SRRM4: variants seen among roughly 807,000 people sequenced by gnomAD.
SRRM4 encodes the protein serine/arginine repetitive matrix 4, also known as serine/arginine repetitive matrix protein 4.
SRRM4 carries 33 observed loss-of-function variants against 68.9 expected under a neutral mutation model. The observed-to-expected ratio is 0.48, with a 90% CI of 0.36 to 0.64. SRRM4 has a LOEUF of 0.64. Among genes scored for constraint, SRRM4 ranks in the 30% least tolerant of loss-of-function variants. The probability of loss-of-function intolerance (pLI) is 0.00; values close to 1 mark genes in which losing one functional copy is unlikely to be tolerated. For missense variants in SRRM4, 817 were observed against 827.1 expected (o/e 0.99, Z 0.15); for synonymous variants, 318 against 318.8 (o/e 1.00, Z 0.03).
At chr12:119,045,639 A>G (rs1411824024) in intron 1 of SRRM4, among the ~76,000 whole-genome samples, 2 of 152,068 alleles carry the variant, frequency 1.3e-5, no homozygotes, top group East Asian at 3.9e-4. Flanking sequence ...TGTAATTTTC[A>G]TCAGCACCGT....
intron 4 of SRRM4, among the ~76,000 whole-genome samples, chr12:119,119,769 G>A (rs942935566): frequency 9.2e-5 from 14 of 152,042 alleles, no homozygotes; most frequent in African/African-American, 3.4e-4. Context: ...GGATGAGGAG[G>A]AGGAGGAATG....
intron 1 of SRRM4, among the ~76,000 whole-genome samples, chr12:118,993,014 GAT>G (rs1953326481): frequency 6.6e-6 from 1 of 152,136 alleles, no homozygotes; most frequent in South Asian, 2.1e-4. Context: ...ATGAAATAAT[GAT>G]ATATCATTAC....
At chr12:118,984,739 G>A (rs1425330219) in intron 1 of SRRM4, among the ~76,000 whole-genome samples, 2 of 152,134 alleles carry the variant, frequency 1.3e-5, no homozygotes, top group South Asian at 4.1e-4. Context: ...CATACTTGAT[G>A]AGGCAATAGC....
At chr12:119,003,990 T>C (rs1164366686) in intron 1 of SRRM4, among the ~76,000 whole-genome samples, 1 of 152,094 alleles carries the variant, frequency 6.6e-6, no homozygotes, top group Non-Finnish European at 1.5e-5. Flanking sequence ...AATTGTTAAT[T>C]GATCAGTTAT....
chr12:119,063,425 T>G (rs1192229139), intron 1 of SRRM4, among the ~76,000 whole-genome samples: 5 of 152,088 alleles, frequency 3.3e-5, no homozygotes, highest in Non-Finnish European at 7.4e-5. Flanking sequence ...TGTTTTCCTC[T>G]CTCAAGAGCC....
intron 1 of SRRM4, among the ~76,000 whole-genome samples, chr12:119,059,948 G>C (rs1953800457): frequency 6.6e-6 from 1 of 152,148 alleles, no homozygotes; most frequent in South Asian, 2.1e-4. Context: ...GTGTTGACTG[G>C]TTCATCAGCC....
At chr12:119,044,891 T>C (rs943141704) in intron 1 of SRRM4, among the ~76,000 whole-genome samples, 1 of 152,190 alleles carries the variant, frequency 6.6e-6, no homozygotes, top group Admixed American at 6.5e-5. Context: ...GTGAACTCTA[T>C]GCATCAGAAT....
intron 2 of SRRM4, among the ~76,000 whole-genome samples, chr12:119,103,920 T>C (rs772222224): frequency 2.1e-4 from 32 of 152,148 alleles, no homozygotes; most frequent in Non-Finnish European, 4.0e-4. Context: ...GAAGAATTGC[T>C]TGTACCCAGG....
At chr12:119,012,387 C>T (rs1594026236) in intron 1 of SRRM4, among the ~76,000 whole-genome samples, 1 of 152,194 alleles carries the variant, frequency 6.6e-6, no homozygotes, top group Non-Finnish European at 1.5e-5. Context: ...AGAGGATATC[C>T]CCTGACTTAG....
chr12:119,026,215 T>C (rs1210612262), intron 1 of SRRM4, among the ~76,000 whole-genome samples: 1 of 151,792 alleles, frequency 6.6e-6, no homozygotes, highest in Non-Finnish European at 1.5e-5. Context: ...AGGAGATAAG[T>C]AGGAAGGGTT....
intron 1 of SRRM4, among the ~76,000 whole-genome samples, chr12:118,999,693 A>G (rs942606353): frequency 7.2e-5 from 11 of 152,138 alleles, no homozygotes; most frequent in African/African-American, 2.4e-4. Context: ...AAGACAGGGA[A>G]TATTCTTATA....
chr12:119,118,871 T>C (rs1373253384), intron 4 of SRRM4, among the ~76,000 whole-genome samples: 2 of 151,852 alleles, frequency 1.3e-5, no homozygotes, highest in Non-Finnish European at 2.9e-5. Context: ...CTTTACAGAG[T>C]AGGGGGTTCA....
intron 1 of SRRM4, among the ~76,000 whole-genome samples, chr12:119,065,249 G>C (rs1338388644): frequency 6.6e-6 from 1 of 152,092 alleles, no homozygotes; most frequent in African/African-American, 2.4e-5. Flanking sequence ...TTCTCACATT[G>C]GTTGGGAACA....
intron 1 of SRRM4, among the ~76,000 whole-genome samples, chr12:119,079,147 T>C (rs1254631538): frequency 6.6e-6 from 1 of 152,098 alleles, no homozygotes; most frequent in Non-Finnish European, 1.5e-5. Flanking sequence ...GGGAACTTCA[T>C]ATGTGAAGAC....
rs1401477329 is a variant in SRRM4 at position 119,162,766 on chromosome 12, G to A, written c.*5968G>A. On this transcript the variant is annotated 3_prime_UTR_variant, in exon 13 of 13. Coordinates refer to ENST00000267260, the MANE Select transcript of SRRM4 (RefSeq NM_194286.4). ...ACCCCAAGGCCATTTCTCTGCATTGGAGGCTGCGAATCTCCTCTGGAAAAT... is the reference window on the plus strand; with the variant it reads ...ACCCCAAGGCCATTTCTCTGCATTGAAGGCTGCGAATCTCCTCTGGAAAAT... 3.3e-5 allele frequency: 5 copies of A among 152,200 alleles called. No homozygotes were observed. Among genetic ancestry groups the A allele is most frequent in the African/African-American group, 1.2e-4 (5 of 41,428 alleles). 9.4% of individuals were successfully genotyped at this position (152,200 alleles called of 1,614,324 possible). A position where few individuals can be genotyped will look rare whatever the true frequency, so the allele number is the denominator to read the frequency against.
intron 1 of SRRM4, among the ~76,000 whole-genome samples, chr12:119,052,313 A>G (rs1953748004): frequency 6.6e-6 from 1 of 152,168 alleles, no homozygotes; most frequent in Non-Finnish European, 1.5e-5. Context: ...TCCACTGCTA[A>G]GGACCCTTAG....
intron 1 of SRRM4, among the ~76,000 whole-genome samples, chr12:119,086,326 T>C (rs1397490074): frequency 6.6e-6 from 1 of 152,186 alleles, no homozygotes; most frequent in Non-Finnish European, 1.5e-5. Flanking sequence ...CTGAGAGATG[T>C]CTGATCCATC....
chr12:119,024,998 A>C (rs1389960372), intron 1 of SRRM4, among the ~76,000 whole-genome samples: 1 of 152,130 alleles, frequency 6.6e-6, no homozygotes, highest in Non-Finnish European at 1.5e-5. Flanking sequence ...GCCTCATGCT[A>C]TGTGGGGAAG....
intron 1 of SRRM4, among the ~76,000 whole-genome samples, chr12:119,033,538 C>T (rs1953606628): frequency 6.6e-6 from 1 of 152,058 alleles, no homozygotes; most frequent in Non-Finnish European, 1.5e-5. Context: ...GTGGCACGCG[C>T]CTATGGTCCC....
Sources: allele counts gnomAD v4.1 joint callset (sites outside exome capture counted in the v4.1 genomes callset), GRCh38; gene constraint gnomAD v4.1.1; transcripts MANE v1.5; gene names NCBI Gene and HGNC (gene_info 2026-07-23, HGNC 2026-07-21).